The following MCM7 variants were observed in gnomAD, a reference collection of about 807,000 sequenced individuals.
MCM7 encodes minichromosome maintenance complex component 7.
Under a neutral mutation model 83.5 loss-of-function variants are expected in MCM7, and 95 were observed. That is an observed-to-expected ratio of 1.14 (90% CI 0.96 to 1.35). MCM7 has a LOEUF of 1.35. MCM7 is among the 40% of genes most tolerant of loss of function. The probability of loss-of-function intolerance (pLI) is 0.00; values close to 1 mark genes in which losing one functional copy is unlikely to be tolerated. For missense variants in MCM7, 1,087 were observed against 957.4 expected (o/e 1.14, Z -1.79); for synonymous variants, 461 against 352.7 (o/e 1.31, Z -3.44).
At position 100,099,422 on chromosome 7, in the gene MCM7, A is replaced by AAAAAAAAAAAAAC; in HGVS notation, c.277-20_277-19insGTTTTTTTTTTTT. On this transcript the variant is annotated intron_variant, in intron 3 of 14. Coordinates refer to ENST00000303887, the MANE Select transcript of MCM7 (RefSeq NM_005916.5). ...TTACCACCTAAAGGAGAAGAACAAA[A>AAAAAAAAAAAAAC]AAAAAAAAAAAAAAGAGCAACAGGA... is the stretch of plus-strand genomic sequence containing the variant. The AAAAAAAAAAAAAC allele has an allele frequency of 6.8e-7, 1 of 1,464,444 alleles. No individual in the cohort carries two copies. Among genetic ancestry groups the AAAAAAAAAAAAAC allele is most frequent in the Non-Finnish European group, 9.3e-7 (1 of 1,075,310 alleles). 90.7% of individuals were successfully genotyped at this position (1,464,444 alleles called of 1,614,324 possible).
In MCM7 at chr7:100,093,044, C is replaced by T. The variant is rs761764851; in HGVS notation, c.2048G>A (p.Arg683His). Residue 683 changes from arginine (R) to histidine (H), a missense_variant, in exon 15 of 15, where the codon CGC becomes CAC. Transcript: ENST00000303887. ...GGGTGTGAAGCCACGAGATACACAG[C>T]GCTGCTCTGCCTCAGAGAACCGGAC... The part of the protein sequence containing the change: ...RSVRFSEAEQ[R>H]CVSRGFTPAQ... 44 of 1,614,116 alleles carry T rather than the reference C, an allele frequency of 2.7e-5. No individual in the cohort carries two copies. The Middle Eastern group carries it at 6.6e-4, about 24-fold the overall frequency.
intron 10 of MCM7, 25 bp from the exon 11 acceptor site, chr7:100,096,192 A>G (rs1269363728): frequency 1.0e-5 from 16 of 1,535,714 alleles, no homozygotes; most frequent in Non-Finnish European, 1.4e-5. Flanking sequence ...ATAAGGAACC[A>G]TGAGAGAGAA....
Position 100,099,655 on chromosome 7 carries a change from G to T in MCM7, c.210C>A (p.Ala70=). The T allele has an allele frequency of 6.8e-6, 11 of 1,614,150 alleles. No homozygotes were observed. The highest frequency in any genetic ancestry group is 9.3e-6 in the Non-Finnish European group (11 of 1,180,040). ...PELVDSICEN[A]RRYAKLFADA... ...CAGCAAAGAGCTTCGCGTAGCGCCT[G>T]GCATTCTCACAAATTGAGTCCACCA... is the stretch of plus-strand genomic sequence containing the variant. The change falls in exon 3 of 15, where the codon GCC becomes GCA. Residue 70 remains alanine (A), a synonymous_variant. Coordinates refer to ENST00000303887, the MANE Select transcript of MCM7 (RefSeq NM_005916.5).
chr7:100,097,509 A>G, intron 9 of MCM7, 105 bp downstream of exon 9: 1 of 1,585,388 alleles, frequency 6.3e-7, no homozygotes, highest in Non-Finnish European at 8.6e-7. Flanking sequence ...TGTGTCCACG[A>G]AGGCAAGATG....
intron 2 of MCM7, 102 bp from the exon 3 acceptor site, chr7:100,099,855 G>A: frequency 6.7e-7 from 1 of 1,502,634 alleles, no homozygotes; most frequent in Non-Finnish European, 9.1e-7. Context: ...ACAGGCTCTG[G>A]GCATCCACAG....
rs767495591 is a variant in MCM7 at position 100,099,737 on chromosome 7, C to G, written c.128G>C (p.Arg43Pro). Residue 43 changes from arginine (R) to proline (P), a missense_variant, in exon 3 of 15, where the codon CGG becomes CCG. Transcript: ENST00000303887. ...YGNQLVRLAH[R>P]EQVALYVDLD... is the part of the protein sequence containing the mutation. ...GTCCACATACAGAGCCACCTGTTCC[C>G]GATGAGCCAGCCGAACCTCAAGTGG... 2.0e-5 allele frequency: 33 copies of G among 1,613,774 alleles called. No individual in the cohort carries two copies. Among genetic ancestry groups the G allele is most frequent in the Non-Finnish European group, 2.8e-5 (33 of 1,179,962 alleles).
intron 12 of MCM7, among the ~76,000 whole-genome samples, chr7:100,094,901 G>A (rs965571587): frequency 1.3e-5 from 2 of 152,134 alleles, no homozygotes; most frequent in African/African-American, 4.8e-5. Context: ...TAACCTGAAG[G>A]TAATTTTATT....
At chr7:100,100,857 C>A (rs1795969888) in intron 1 of MCM7, 1 of 1,028,822 alleles carries the variant, frequency 9.7e-7, no homozygotes, top group Non-Finnish European at 1.2e-6. Context: ...GGCCTGCCCG[C>A]CCCCGGGGCC....
intron 10 of MCM7, among the ~76,000 whole-genome samples, chr7:100,096,799 A>C (rs1047355352): frequency 6.6e-6 from 1 of 151,462 alleles, no homozygotes; most frequent in African/African-American, 2.4e-5. Flanking sequence ...AACAATACCC[A>C]AACAACAAAA....
intron 1 of MCM7, chr7:100,100,701 C>G (rs571057481): frequency 2.0e-6 from 2 of 990,122 alleles, no homozygotes; most frequent in South Asian, 4.5e-5. Flanking sequence ...GCACGCCCCC[C>G]CGGGCCGCAG....
At chr7:100,101,202 C>T (rs964000423) in intron 1 of MCM7, 62 bp downstream of exon 1, 30 of 1,602,770 alleles carry the variant, frequency 1.9e-5, no homozygotes, top group Non-Finnish European at 2.5e-5. Flanking sequence ...CAGCTCACAC[C>T]AACAGGTGTT....
intron 6 of MCM7, 58 bp from the exon 7 acceptor site, chr7:100,098,348 T>G: frequency 6.3e-7 from 1 of 1,581,872 alleles, no homozygotes; most frequent in Non-Finnish European, 8.6e-7. Flanking sequence ...CAACCTTCCC[T>G]CCCTAGGCAT....
chr7:100,094,175 G>A lies in MCM7; in HGVS notation c.1846C>T (p.Leu616=). The part of the protein sequence containing the change: ...LLAILRLSTA[L]ARLRMVDVVE... ...CCTCCAGCAATTTGGGCACTTACCAGAGCAGTGGAAAGGCGCAGGATAGCC... is the reference window on the plus strand; with the variant it reads ...CCTCCAGCAATTTGGGCACTTACCAAAGCAGTGGAAAGGCGCAGGATAGCC... Residue 616 remains leucine, a splice_region_variant and synonymous_variant, in exon 13 of 15, where the codon CTG becomes TTG. Coordinates refer to ENST00000303887, the MANE Select transcript of MCM7 (RefSeq NM_005916.5). 6.2e-7 allele frequency: 1 copy of A among 1,614,208 alleles called. No homozygotes were observed. The highest frequency in any genetic ancestry group is 1.3e-5 in the African/African-American group (1 of 75,060).
chr7:100,098,789 C>T (rs2116582382), intron 5 of MCM7, 74 bp from the exon 6 acceptor site: 2 of 1,575,270 alleles, frequency 1.3e-6, no homozygotes, highest in Non-Finnish European at 1.7e-6. Flanking sequence ...CTTTGAATCA[C>T]ATTTTCTCTT....
chr7:100,092,914 G>T lies in MCM7; in HGVS notation c.*18C>A, dbSNP rs557888704. The T allele has an allele frequency of 1.9e-6, 3 of 1,614,142 alleles. No individual in the cohort carries two copies. The African/African-American group carries it at 4.0e-5, about 22-fold the overall frequency. Reference sequence around the variant, plus strand: ...CAGCAGGGAACAAGAGGACCCCAGGGTTGCAAGCAGGCTGGAATCAGACAA... The same window carrying T: ...CAGCAGGGAACAAGAGGACCCCAGGTTTGCAAGCAGGCTGGAATCAGACAA... On this transcript the variant is annotated 3_prime_UTR_variant, in exon 15 of 15. Transcript: ENST00000303887.
At chr7:100,097,584 AC>A in intron 9 of MCM7, 29 bp downstream of exon 9, 3 of 1,612,440 alleles carry the variant, frequency 1.9e-6, no homozygotes, top group Non-Finnish European at 2.5e-6. Flanking sequence ...GACTTCATCC[AC>A]CCTGAGCCTC....
In MCM7 at chr7:100,092,907, C is replaced by T. The variant is rs769788221; in HGVS notation, c.*25G>A. ...GGCAGGCCAGCAGGGAACAAGAGGACCCCAGGGTTGCAAGCAGGCTGGAAT... is the reference window on the plus strand; with the variant it reads ...GGCAGGCCAGCAGGGAACAAGAGGATCCCAGGGTTGCAAGCAGGCTGGAAT... On this transcript the variant is annotated 3_prime_UTR_variant, in exon 15 of 15. Coordinates refer to ENST00000303887, the MANE Select transcript of MCM7 (RefSeq NM_005916.5). The T allele has an allele frequency of 3.7e-6, 6 of 1,613,934 alleles. No homozygotes were observed. The highest frequency in any genetic ancestry group is 1.7e-5 in the Admixed American group (1 of 60,028).
At chr7:100,095,493 G>C (rs558451055) in intron 11 of MCM7, 23 bp from the exon 12 acceptor site, 10 of 1,610,566 alleles carry the variant, frequency 6.2e-6, no homozygotes, top group Non-Finnish European at 7.6e-6. Context: ...AAGGTTAGAA[G>C]GAACACCCTT....
At chr7:100,093,258 G>T (rs1426941706) in intron 14 of MCM7, 34 bp downstream of exon 14, 1 of 1,604,502 alleles carries the variant, frequency 6.2e-7, no homozygotes, top group Admixed American at 1.7e-5. Context: ...AGAAGACAAA[G>T]TGACACAGCT....
Sources: gnomAD v4.1 joint callset for allele counts (sites outside exome capture counted in the v4.1 genomes callset) on GRCh38, gnomAD v4.1.1 for gene constraint, MANE v1.5 for transcripts, NCBI Gene and HGNC (gene_info 2026-07-23, HGNC 2026-07-21) for gene names.